ZBED4: variants seen among roughly 807,000 people sequenced by gnomAD.
ZBED4 encodes zinc finger BED domain-containing protein 4.
A neutral mutation model predicts 15.5 loss-of-function variants in ZBED4; 4 were observed. That is an observed-to-expected ratio of 0.26 (90% CI 0.13 to 0.59). The LOEUF (loss-of-function observed/expected upper bound fraction) is 0.59. Ranked by LOEUF, ZBED4 falls within the 20% of genes least tolerant of loss-of-function variation. ZBED4 has a pLI of 0.90. For missense variants in ZBED4, 1,323 were observed against 1,461.8 expected, an observed-to-expected ratio of 0.91 and a Z score of 1.55; for synonymous variants, 692 against 608.5, an observed-to-expected ratio of 1.14 and a Z score of -2.02.
intron 1 of ZBED4, among the ~76,000 whole-genome samples, chr22:49,871,902 T>C (rs1357943246): frequency 3.3e-5 from 5 of 151,894 alleles, no homozygotes; most frequent in Non-Finnish European, 5.9e-5. Flanking sequence ...CACACCAACA[T>C]GCCCAGCTAA....
In ZBED4 at chr22:49,884,292, G is replaced by A; in HGVS notation, c.630G>A (p.Gln210=). Residue 210 remains glutamine (Q), a synonymous_variant, in exon 2 of 2, where the codon CAG becomes CAA. Transcript: ENST00000216268. ...STILSPIKLV[Q]KVASKIPSPD... is the part of the protein sequence containing the mutation. The stretch of plus-strand genomic sequence containing the variant: ...TCCTCTCACCCATCAAACTTGTCCA[G>A]AAAGTGGCGTCTAAGATCCCGTCCC... The A allele has an allele frequency of 6.2e-7, 1 of 1,613,090 alleles. No homozygotes were observed. Among genetic ancestry groups the A allele is most frequent in the Non-Finnish European group, 8.5e-7 (1 of 1,179,428 alleles).
chr22:49,865,884 A>G (rs1365436340), intron 1 of ZBED4, among the ~76,000 whole-genome samples: 1 of 132,210 alleles, frequency 7.6e-6, no homozygotes, highest in African/African-American at 3.1e-5. Context: ...TTTTCCCTTT[A>G]ATTTTTTGTA....
intron 1 of ZBED4, among the ~76,000 whole-genome samples, chr22:49,855,951 C>A (rs929838328): frequency 1.3e-5 from 2 of 152,168 alleles, no homozygotes; most frequent in African/African-American, 4.8e-5. Flanking sequence ...CCCGTGACAC[C>A]CCTTAGCGGT....
At chr22:49,858,763 G>T (rs762373585) in intron 1 of ZBED4, among the ~76,000 whole-genome samples, 1 of 152,154 alleles carries the variant, frequency 6.6e-6, no homozygotes, top group South Asian at 2.1e-4. Context: ...GCCAGTCCAC[G>T]GTCTGAAGTT....
Position 49,885,554 on chromosome 22 carries a change from G to A in ZBED4, c.1892G>A (p.Arg631Gln), listed in dbSNP as rs778340747. The A allele has an allele frequency of 2.6e-5, 41 of 1,604,694 alleles. No homozygotes were observed. The highest frequency in any genetic ancestry group is 6.7e-5 in the African/African-American group (5 of 74,682). Residue 631 changes from arginine to glutamine, a missense_variant, in exon 2 of 2, where the codon CGG becomes CAG. Physicochemically the swap from Arg to Gln is conservative, Grantham distance 43. Around this residue, in one of 6 missense-constraint regions of ZBED4, gnomAD observed 429 missense variants for 397.9 expected, o/e 1.08. Transcript: ENST00000216268. ...RPSSPDTRVP[R>Q]GTELSGASSF... is the part of the protein sequence containing the mutation. ...TCCTCTCCGGACACCCGGGTGCCGC[G>A]GGGCACAGAATTATCAGGCGCTTCC...
At chr22:49,861,566 T>TG (rs2060297382) in intron 1 of ZBED4, among the ~76,000 whole-genome samples, 1 of 152,222 alleles carries the variant, frequency 6.6e-6, no homozygotes, top group African/African-American at 2.4e-5. Flanking sequence ...CCTGAGTAGC[T>TG]GGGACTACAG....
In ZBED4 at chr22:49,884,177, A is replaced by G; in HGVS notation, c.515A>G (p.Glu172Gly). The change falls in exon 2 of 2, where the codon GAA becomes GGA. Residue 172 changes from glutamate (E) to glycine (G), a missense_variant. Glu to Gly is a moderately conservative substitution (Grantham distance 98). Around this residue, in one of 6 missense-constraint regions of ZBED4, gnomAD observed 380 missense variants for 413.7 expected, o/e 0.92. Coordinates refer to ENST00000216268, the MANE Select transcript of ZBED4 (RefSeq NM_014838.3). The stretch of plus-strand genomic sequence containing the variant: ...GCACACCCGACCGTGCTCATTCAGG[A>G]AAATGGCAGTGTGTCTGCCGTGTCC... ...RRAHPTVLIQ[E>G]NGSVSAVSSF... 1 of 1,611,930 alleles carries G rather than the reference A, an allele frequency of 6.2e-7. No homozygotes were observed. Among genetic ancestry groups the G allele is most frequent in the Non-Finnish European group, 8.5e-7 (1 of 1,178,892 alleles).
In ZBED4 at chr22:49,886,927, CTGGAGGAGGAG is replaced by C; in HGVS notation, c.3266_3276del (p.Leu1089ArgfsTer3). On this transcript the variant is annotated frameshift_variant, in exon 2 of 2. Transcript: ENST00000216268. LOFTEE classifies it high-confidence loss of function. The surrounding 1 kb of genome is among the most constrained non-coding windows in gnomAD (Gnocchi z 7.7). ...GCCTGAAGCCATGGTGCTTGCGTAT[CTGGAGGAGGAG>C]GTGCTTGAACACAGCTGTGACCCGC... The C allele has an allele frequency of 6.2e-7, 1 of 1,614,088 alleles. No individual in the cohort carries two copies. The highest frequency in any genetic ancestry group is 8.5e-7 in the Non-Finnish European group (1 of 1,180,026).
intron 1 of ZBED4, among the ~76,000 whole-genome samples, chr22:49,874,487 G>T (rs1468332684): frequency 1.3e-5 from 2 of 151,012 alleles, no homozygotes; most frequent in Non-Finnish European, 2.9e-5. Flanking sequence ...CCAGGTTCAA[G>T]CGATTCTCCT....
At position 49,871,904 on chromosome 22, in the gene ZBED4, C is replaced by T. The variant is rs1480990253; in HGVS notation, c.-329-11430C>T. Among the ~76,000 whole-genome samples the T allele has an allele frequency of 2.6e-5, 4 of 151,906 alleles. No individual in the cohort carries two copies. In the South Asian group the frequency reaches 8.4e-4, roughly 32 times the overall value. On this transcript the variant is annotated intron_variant, in intron 1 of 1. Transcript: ENST00000216268. The stretch of plus-strand genomic sequence containing the variant: ...GGGATTACAGGTGCACACCAACATG[C>T]CCAGCTAATTTTTGTATTTTTAGTA...
rs1465854280 is a variant in ZBED4 at position 49,869,548 on chromosome 22, G to A, written c.-329-13786G>A. Among the ~76,000 whole-genome samples, 4 of 152,154 alleles carry A rather than the reference G, an allele frequency of 2.6e-5. No homozygotes were observed. In the East Asian group the frequency reaches 7.7e-4, roughly 29 times the overall value. On this transcript the variant is annotated intron_variant, in intron 1 of 1. Transcript: ENST00000216268. ...TATTTGTACTGCTTACTGAATTCTG[G>A]TTTGGCTCTCATTTTTCACAGCTTT...
At chr22:49,854,505 G>C (rs965092959) in intron 1 of ZBED4, among the ~76,000 whole-genome samples, 5 of 152,230 alleles carry the variant, frequency 3.3e-5, no homozygotes, top group African/African-American at 1.2e-4. Context: ...GTGGTTCTGG[G>C]GATGACCGTT....
At chr22:49,864,493 T>C (rs946681624) in intron 1 of ZBED4, among the ~76,000 whole-genome samples, 3 of 152,158 alleles carry the variant, frequency 2.0e-5, no homozygotes, top group Non-Finnish European at 2.9e-5. Flanking sequence ...CCACGTCCGA[T>C]AAACCCATCA....
At chr22:49,876,252 G>A (rs1011275370) in intron 1 of ZBED4, among the ~76,000 whole-genome samples, 19 of 152,118 alleles carry the variant, frequency 1.2e-4, no homozygotes, top group African/African-American at 1.7e-4. Flanking sequence ...TGTGTATTCC[G>A]TTGTTGTTGG....
intron 1 of ZBED4, among the ~76,000 whole-genome samples, chr22:49,866,870 C>T (rs761335766): frequency 2.6e-5 from 4 of 152,150 alleles, no homozygotes; most frequent in East Asian, 1.9e-4. Flanking sequence ...AAGATGCTGG[C>T]GGCTCTTGAA....
Position 49,886,744 on chromosome 22 carries a change from G to T in ZBED4, c.3082G>T (p.Asp1028Tyr). 1 of 1,612,958 alleles carries T rather than the reference G, an allele frequency of 6.2e-7. No individual in the cohort carries two copies. The highest frequency in any genetic ancestry group is 2.2e-5 in the East Asian group (1 of 44,870). The change falls in exon 2 of 2, where the codon GAT becomes TAT. Residue 1028 changes from aspartate to tyrosine, a missense_variant. Physicochemically the swap from Asp to Tyr is radical, Grantham distance 160. Transcript: ENST00000216268. The surrounding 1 kb of genome is among the most constrained non-coding windows in gnomAD (Gnocchi z 7.7). ...TEEEAEQYKQ[D>Y]LIRELELMNS... ...GGAGGAGGCGGAGCAGTACAAACAGGATTTAATCAGGGAACTCGAACTCAT... is the reference window on the plus strand; with the variant it reads ...GGAGGAGGCGGAGCAGTACAAACAGTATTTAATCAGGGAACTCGAACTCAT...
rs1569166191 is a variant in ZBED4, at chr22:49,886,677, C to T, written c.3015C>T (p.Ala1005=). Residue 1005 remains alanine, a synonymous_variant, in exon 2 of 2, where the codon GCC becomes GCT. Transcript: ENST00000216268. The surrounding 1 kb of genome is among the most constrained non-coding windows in gnomAD (Gnocchi z 7.7). ...ATLHDPRYVF[A]TLLDPRYKAS... is the part of the protein sequence containing the mutation. ...TCCACGACCCGCGGTACGTCTTCGC[C>T]ACGCTGCTGGATCCTCGCTACAAGG... The T allele has an allele frequency of 1.2e-6, 2 of 1,612,062 alleles. No homozygotes were observed. The highest frequency in any genetic ancestry group is 1.7e-6 in the Non-Finnish European group (2 of 1,179,176).
chr22:49,873,719 C>T lies in ZBED4; in HGVS notation c.-329-9615C>T, dbSNP rs531471414. ...TGATATGAGGTATTGGGTCTTCCCACCTCATCACCCCCACCCTGCAGCCCC... is the reference window on the plus strand; with the variant it reads ...TGATATGAGGTATTGGGTCTTCCCATCTCATCACCCCCACCCTGCAGCCCC... On this transcript the variant is annotated intron_variant, in intron 1 of 1. Coordinates refer to ENST00000216268, the MANE Select transcript of ZBED4 (RefSeq NM_014838.3). 3.3e-5 allele frequency among the ~76,000 whole-genome samples: 5 copies of T among 152,300 alleles called. No homozygotes were observed. The East Asian group carries it at 7.7e-4, about 24-fold the overall frequency.
chr22:49,859,340 A>G (rs1255092109), intron 1 of ZBED4, among the ~76,000 whole-genome samples: 1 of 151,900 alleles, frequency 6.6e-6, no homozygotes, highest in African/African-American at 2.4e-5. Context: ...AGTGGATTTT[A>G]TTTATTCCAT....
Sources: allele counts gnomAD v4.1 joint callset (sites outside exome capture counted in the v4.1 genomes callset), GRCh38; gene constraint gnomAD v4.1.1; regional missense constraint gnomAD v4.1.1; non-coding constraint Gnocchi (gnomAD v3.1); transcripts MANE v1.5; gene names NCBI Gene and HGNC (gene_info 2026-07-23, HGNC 2026-07-21).